The following KIF16B variants were observed in gnomAD, a reference collection of about 807,000 sequenced individuals.
The protein encoded by KIF16B is kinesin-like protein KIF16B.
Under a neutral mutation model 156.3 loss-of-function variants are expected in KIF16B, and 98 were observed. The observed-to-expected ratio is 0.63, with a 90% CI of 0.53 to 0.74. The LOEUF (loss-of-function observed/expected upper bound fraction) is 0.74, where lower values mean the gene tolerates loss of function less well. Ranked by LOEUF, KIF16B falls within the 30% of genes least tolerant of loss-of-function variation. The probability of loss-of-function intolerance (pLI) is 0.00; values close to 1 mark genes in which losing one functional copy is unlikely to be tolerated. For synonymous variants in KIF16B, 564 were observed against 583.7 expected, an observed-to-expected ratio of 0.97 and a Z score of 0.49; for missense variants, 1,421 against 1,606.5, an observed-to-expected ratio of 0.88 and a Z score of 1.97.
chr20:16,273,596 A>G (rs2063014921), intron 25 of KIF16B, among the ~76,000 whole-genome samples, 185 bp from the exon 26 acceptor site: 1 of 152,040 alleles, frequency 6.6e-6, no homozygotes, highest in East Asian at 1.9e-4. Context: ...CCCAGGAGGT[A>G]GAGGCTGCAG....
intron 4 of KIF16B, among the ~76,000 whole-genome samples, chr20:16,513,968 C>T (rs2069050076): frequency 6.6e-6 from 1 of 152,136 alleles, no homozygotes; most frequent in Non-Finnish European, 1.5e-5. Flanking sequence ...TGACTGTGTT[C>T]AGAGATTGTT....
At chr20:16,396,166 G>A (rs1036432214) in intron 17 of KIF16B, among the ~76,000 whole-genome samples, 8 of 152,076 alleles carry the variant, frequency 5.3e-5, no homozygotes, top group African/African-American at 9.7e-5. Context: ...ACCAGCATTC[G>A]ATTTGCATAG....
intron 1 of KIF16B, among the ~76,000 whole-genome samples, chr20:16,570,422 C>T (rs2071412405): frequency 6.6e-6 from 1 of 152,028 alleles, no homozygotes; most frequent in African/African-American, 2.4e-5. Flanking sequence ...TGTTTTGATC[C>T]CTTATGCTTC....
chr20:16,427,752 C>T (rs1034287656), intron 14 of KIF16B, among the ~76,000 whole-genome samples: 4 of 152,114 alleles, frequency 2.6e-5, no homozygotes, highest in Non-Finnish European at 5.9e-5. Flanking sequence ...AAGAGGCCTT[C>T]AGAAGCCATA....
At chr20:16,278,196 G>A (rs2063093230) in intron 25 of KIF16B, among the ~76,000 whole-genome samples, 1 of 152,154 alleles carries the variant, frequency 6.6e-6, no homozygotes, top group Admixed American at 6.5e-5. Flanking sequence ...GGGGGCCACA[G>A]AGAGACAGAG....
chr20:16,365,688 G>A (rs1386433576), intron 22 of KIF16B, among the ~76,000 whole-genome samples: 4 of 152,240 alleles, frequency 2.6e-5, no homozygotes, highest in Non-Finnish European at 5.9e-5. Flanking sequence ...CTGGCCAAAG[G>A]AAGATGGTAA....
intron 1 of KIF16B, among the ~76,000 whole-genome samples, chr20:16,562,031 G>A (rs1046253645): frequency 7.2e-5 from 11 of 152,148 alleles, no homozygotes; most frequent in Non-Finnish European, 1.0e-4. Flanking sequence ...TAATTTCTTC[G>A]TTTTGATCAT....
intron 12 of KIF16B, among the ~76,000 whole-genome samples, chr20:16,441,253 C>T (rs765174584): frequency 3.9e-5 from 6 of 152,174 alleles, no homozygotes; most frequent in Non-Finnish European, 8.8e-5. Context: ...TCTTGTAAAG[C>T]TGGCCCGTTC....
intron 12 of KIF16B, among the ~76,000 whole-genome samples, chr20:16,476,750 A>G (rs989981500): frequency 1.3e-5 from 2 of 152,102 alleles, no homozygotes; most frequent in South Asian, 4.1e-4. Context: ...AGGTGTTTGA[A>G]TATCTTTTTT....
rs117030922 is a variant in KIF16B, at chr20:16,387,006, T to A, written c.1785-5259A>T. ...GAAAGGCAAAAGGGGAGTTTTTTCA[T>A]TGGGACAGGAAGAAGAAGAAAAGGA... is the stretch of plus-strand genomic sequence containing the variant. On this transcript the variant is annotated intron_variant, in intron 17 of 25. Coordinates refer to ENST00000354981, the MANE Select transcript of KIF16B (RefSeq NM_024704.5). 9.7e-3 allele frequency among the ~76,000 whole-genome samples: 1,482 copies of A among 152,186 alleles called. 4 individuals carry two copies. The highest frequency in any genetic ancestry group is 0.014 in the Non-Finnish European group (951 of 68,004).
In KIF16B at chr20:16,323,329, G is replaced by T. The variant is rs550981006; in HGVS notation, c.3712-10911C>A. On this transcript the variant is annotated intron_variant, in intron 24 of 25. Coordinates refer to ENST00000354981, the MANE Select transcript of KIF16B (RefSeq NM_024704.5). ...GTAACTAGCAGCTTTTGAAACATCT[G>T]CACCCTAAAGGTTTGTGGCTGTAAA... Among the ~76,000 whole-genome samples the T allele has an allele frequency of 3.3e-5, 5 of 152,040 alleles. No homozygotes were observed. In the East Asian group the frequency reaches 9.6e-4, roughly 29 times the overall value.
intron 12 of KIF16B, among the ~76,000 whole-genome samples, chr20:16,441,454 G>T (rs1056485352): frequency 1.3e-5 from 2 of 152,100 alleles, no homozygotes; most frequent in Admixed American, 6.6e-5. Context: ...AGGCCTAATC[G>T]CATGGATCTC....
At chr20:16,330,920 C>T (rs2063936890) in intron 24 of KIF16B, among the ~76,000 whole-genome samples, 1 of 152,224 alleles carries the variant, frequency 6.6e-6, no homozygotes, top group South Asian at 2.1e-4. Flanking sequence ...TGGGGCTCAA[C>T]TCTGTACGTT....
At chr20:16,377,207 G>A (rs1241068357) in intron 19 of KIF16B, among the ~76,000 whole-genome samples, 1 of 152,034 alleles carries the variant, frequency 6.6e-6, no homozygotes, top group African/African-American at 2.4e-5. Flanking sequence ...AGGTGCTGTG[G>A]GTGGGGGGAG....
chr20:16,327,603 T>C (rs1275142248), intron 24 of KIF16B, among the ~76,000 whole-genome samples: 1 of 152,098 alleles, frequency 6.6e-6, no homozygotes, highest in Non-Finnish European at 1.5e-5. Flanking sequence ...ATTCCTAGTT[T>C]GGGGCCTGAG....
intron 23 of KIF16B, among the ~76,000 whole-genome samples, chr20:16,341,823 CA>C (rs1038426753): frequency 6.6e-6 from 1 of 152,220 alleles, no homozygotes; most frequent in Admixed American, 6.5e-5. Context: ...GTTGTCACTT[CA>C]AAATCAGATG....
intron 24 of KIF16B, among the ~76,000 whole-genome samples, chr20:16,315,596 A>G (rs1255843051): frequency 6.6e-6 from 1 of 152,180 alleles, no homozygotes; most frequent in Admixed American, 6.5e-5. Context: ...AACAGTTCCA[A>G]CAAGAGTTGT....
intron 12 of KIF16B, among the ~76,000 whole-genome samples, chr20:16,431,660 T>C (rs1005689212): frequency 2.0e-5 from 3 of 152,008 alleles, no homozygotes; most frequent in Non-Finnish European, 2.9e-5. Context: ...ACCCAATAGA[T>C]GCTAGCAACA....
chr20:16,451,025 G>A (rs1483084171), intron 12 of KIF16B, among the ~76,000 whole-genome samples: 1 of 152,098 alleles, frequency 6.6e-6, no homozygotes, highest in Non-Finnish European at 1.5e-5. Flanking sequence ...GACAGGTCTG[G>A]GTCAGTCAAA....
Sources: allele counts gnomAD v4.1 joint callset (sites outside exome capture counted in the v4.1 genomes callset), GRCh38; gene constraint gnomAD v4.1.1; transcripts MANE v1.5; gene names NCBI Gene and HGNC (gene_info 2026-07-23, HGNC 2026-07-21).